Variants in DPP10 observed in about 807,000 individuals in gnomAD.
DPP10 encodes dipeptidyl peptidase like 10.
DPP10 carries 33 observed loss-of-function variants against 120.9 expected under a neutral mutation model. The ratio of observed to expected loss-of-function variants is 0.27; its 90% CI spans 0.21 to 0.37. The LOEUF is 0.37. DPP10 is among the 10% of genes least tolerant of loss of function. The pLI, the probability that DPP10 is intolerant of heterozygous loss-of-function variation, is 1.00. For synonymous variants in DPP10, 337 were observed against 326.1 expected (o/e 1.03, Z -0.36); for missense variants, 816 against 942.8 (o/e 0.87, Z 1.76).
At chr2:115,256,023 T>C (rs557127167) in intron 1 of DPP10, among the ~76,000 whole-genome samples, 1 of 152,194 alleles carries the variant, frequency 6.6e-6, no homozygotes, top group South Asian at 2.1e-4. Flanking sequence ...CCCAACTTTC[T>C]GTGGTACCAA....
chr2:115,443,597 A>T (rs376722722), intron 3 of DPP10, among the ~76,000 whole-genome samples: 5 of 152,324 alleles, frequency 3.3e-5, no homozygotes, highest in African/African-American at 1.2e-4. Context: ...CTGAATGTTT[A>T]TATCAAAGTA....
At chr2:115,422,290 G>GT (rs1038523153) in intron 3 of DPP10, among the ~76,000 whole-genome samples, 2 of 152,128 alleles carry the variant, frequency 1.3e-5, no homozygotes, top group African/African-American at 4.8e-5. Flanking sequence ...GTTTGAATTA[G>GT]TTTTTTTCTC....
intron 1 of DPP10, among the ~76,000 whole-genome samples, chr2:114,575,786 T>C (rs1558896895): frequency 6.6e-6 from 1 of 152,162 alleles, no homozygotes; most frequent in Non-Finnish European, 1.5e-5. Flanking sequence ...ATGGTGTTCA[T>C]ACAAACACTC....
At chr2:115,160,144 TA>T (rs1388823236) in intron 1 of DPP10, among the ~76,000 whole-genome samples, 2 of 152,210 alleles carry the variant, frequency 1.3e-5, no homozygotes, top group Non-Finnish European at 2.9e-5. Flanking sequence ...AATGTTTCAT[TA>T]AAAATATATA....
chr2:115,095,440 T>A (rs1709638948), intron 1 of DPP10, among the ~76,000 whole-genome samples: 1 of 152,162 alleles, frequency 6.6e-6, no homozygotes, highest in Non-Finnish European at 1.5e-5. Context: ...CTCACTCTAC[T>A]AACCTGGCAG....
At position 114,912,872 on chromosome 2, in the gene DPP10, A is replaced by T. The variant is rs540997354; in HGVS notation, c.61-396367A>T. ...ATGGAGACAGAATTGTAGCCTGTGT[A>T]GAGCCCAAAGAGTTTGACATGGGAA... On this transcript the variant is annotated intron_variant, in intron 1 of 25. Coordinates refer to ENST00000410059, the MANE Select transcript of DPP10 (RefSeq NM_020868.6). Among the ~76,000 whole-genome samples, 168 of 152,292 alleles carry T rather than the reference A, an allele frequency of 1.1e-3. 1 individual carries two copies. The highest frequency in any genetic ancestry group is 3.8e-3 in the African/African-American group (159 of 41,570).
intron 4 of DPP10, 105 bp downstream of exon 4, chr2:115,499,709 T>A: frequency 1.4e-6 from 1 of 728,570 alleles, no homozygotes; most frequent in Non-Finnish European, 2.1e-6. Flanking sequence ...TGTAAAGCAT[T>A]TCAGGTGAAA....
intron 1 of DPP10, among the ~76,000 whole-genome samples, chr2:114,764,129 A>C (rs959439392): frequency 8.5e-5 from 13 of 152,190 alleles, no homozygotes; most frequent in Non-Finnish European, 1.8e-4. Flanking sequence ...GGAAGTCTTC[A>C]ACTGTATTAC....
intron 3 of DPP10, among the ~76,000 whole-genome samples, chr2:115,356,252 C>A (rs1196249079): frequency 6.6e-6 from 1 of 152,020 alleles, no homozygotes; most frequent in African/African-American, 2.4e-5. Flanking sequence ...TTGTACTTCC[C>A]CTTGAGGAGC....
At chr2:115,395,794 C>T (rs142105740) in intron 3 of DPP10, among the ~76,000 whole-genome samples, 17 of 151,594 alleles carry the variant, frequency 1.1e-4, no homozygotes, top group African/African-American at 3.4e-4. Context: ...CCATACAGCT[C>T]GATTGTCTCC....
chr2:115,391,484 A>C (rs1559533167), intron 3 of DPP10, among the ~76,000 whole-genome samples: 1 of 152,150 alleles, frequency 6.6e-6, no homozygotes, highest in Non-Finnish European at 1.5e-5. Flanking sequence ...GGCTCACAGC[A>C]CATGAGTTGG....
At chr2:115,041,386 A>G (rs1363390196) in intron 1 of DPP10, among the ~76,000 whole-genome samples, 2 of 152,174 alleles carry the variant, frequency 1.3e-5, no homozygotes, top group Non-Finnish European at 2.9e-5. Flanking sequence ...TATGAAACAA[A>G]TAATCATTGG....
chr2:115,084,524 TG>T (rs1708536888), intron 1 of DPP10, among the ~76,000 whole-genome samples: 1 of 152,222 alleles, frequency 6.6e-6, no homozygotes, highest in South Asian at 2.1e-4. Flanking sequence ...ATGATTGCAG[TG>T]CCTAAGCAGC....
intron 1 of DPP10, among the ~76,000 whole-genome samples, chr2:114,983,623 C>CTT (rs1476359136): frequency 3.3e-5 from 5 of 152,072 alleles, no homozygotes; most frequent in Non-Finnish European, 7.4e-5. Context: ...TTATATAAAA[C>CTT]TCAGAGCTGT....
In DPP10 at chr2:114,748,989, A is replaced by G. The variant is rs1294318764; in HGVS notation, c.60+306151A>G. Among the ~76,000 whole-genome samples, 10 of 131,120 alleles carry G rather than the reference A, an allele frequency of 7.6e-5. No individual in the cohort carries two copies. The East Asian group carries it at 1.8e-3, about 23-fold the overall frequency. 86.0% of individuals were successfully genotyped at this position (131,120 alleles called of 152,430 possible). ...CTGAGGAATCGCCACACTGACTTCC[A>G]CAATGGTTGAACTAGTTTACAGTCC... On this transcript the variant is annotated intron_variant, in intron 1 of 25. Coordinates refer to ENST00000410059, the MANE Select transcript of DPP10 (RefSeq NM_020868.6).
chr2:115,462,181 C>A (rs890177274), intron 3 of DPP10, among the ~76,000 whole-genome samples: 1 of 152,142 alleles, frequency 6.6e-6, no homozygotes, highest in South Asian at 2.1e-4. Flanking sequence ...ACCAGTCACA[C>A]AAGACAGAGG....
chr2:114,801,273 A>AAAAAAAAAAAAG (rs1278761461), intron 1 of DPP10, among the ~76,000 whole-genome samples: 23 of 77,844 alleles, frequency 3.0e-4, no homozygotes, highest in African/African-American at 7.0e-4. Context: ...AAAAAAAAAA[A>AAAAAAAAAAAAG]AAAAAAGAAA....
At chr2:115,296,387 A>G (rs1433724711) in intron 1 of DPP10, among the ~76,000 whole-genome samples, 2 of 151,864 alleles carry the variant, frequency 1.3e-5, no homozygotes, top group East Asian at 1.9e-4. Flanking sequence ...GCTTTTTACT[A>G]TTTTCTTAAC....
chr2:114,910,025 T>C (rs764416384), intron 1 of DPP10, among the ~76,000 whole-genome samples: 8 of 151,752 alleles, frequency 5.3e-5, no homozygotes, highest in Non-Finnish European at 1.2e-4. Context: ...AACATGTGTG[T>C]GTATATATAT....
Sources: gnomAD v4.1 joint callset for allele counts (sites outside exome capture counted in the v4.1 genomes callset) on GRCh38, gnomAD v4.1.1 for gene constraint, MANE v1.5 for transcripts, NCBI Gene and HGNC (gene_info 2026-07-23, HGNC 2026-07-21) for gene names.